Variants in TMEM182 observed in about 807,000 individuals in gnomAD.
TMEM182 encodes transmembrane protein 182.
TMEM182 carries 20 observed loss-of-function variants against 26.8 expected under a neutral mutation model. The observed-to-expected ratio is 0.75, with a 90% confidence interval of 0.53 to 1.09. The LOEUF (loss-of-function observed/expected upper bound fraction) is 1.09, where lower values mean the gene tolerates loss of function less well. Ranked by LOEUF, TMEM182 falls within the 50% of genes least tolerant of loss-of-function variation. TMEM182 has a pLI of 0.00. For missense variants in TMEM182, 277 were observed against 275.5 expected (o/e 1.01, Z -0.04); for synonymous variants, 109 against 102.2 (o/e 1.07, Z -0.40).
At chr2:102,798,577 A>G (rs1420456132) in intron 4 of TMEM182, among the ~76,000 whole-genome samples, 4 of 152,050 alleles carry the variant, frequency 2.6e-5, no homozygotes, top group Admixed American at 2.6e-4. Flanking sequence ...GGTGGCTCAC[A>G]CCTGTAGTCC....
chr2:102,741,272 G>A (rs1449216677), intron 1 of TMEM182, among the ~76,000 whole-genome samples: 2 of 152,130 alleles, frequency 1.3e-5, no homozygotes, highest in African/African-American at 2.4e-5. Flanking sequence ...TGACCTAAAT[G>A]TGGCAGGCAT....
intron 4 of TMEM182, among the ~76,000 whole-genome samples, chr2:102,807,824 C>T (rs1318572047): frequency 2.0e-5 from 3 of 152,070 alleles, no homozygotes; most frequent in Non-Finnish European, 2.9e-5. Flanking sequence ...TAAGGTTCCT[C>T]GTTGTTAAAA....
At chr2:102,819,380 C>T (rs931660259), downstream of TMEM182, among the ~76,000 whole-genome samples, 3 of 152,080 alleles carry the variant, frequency 2.0e-5, no homozygotes, top group Non-Finnish European at 4.4e-5. Flanking sequence ...TTTTCATCCC[C>T]CGAAAATTCA....
chr2:102,766,143 T>A (rs1356712995), intron 3 of TMEM182, among the ~76,000 whole-genome samples: 1 of 152,210 alleles, frequency 6.6e-6, no homozygotes, highest in Non-Finnish European at 1.5e-5. Context: ...ATAAGATAGG[T>A]ATTGTAGGCA....
At chr2:102,812,870 A>G (rs1457669525) in intron 4 of TMEM182, among the ~76,000 whole-genome samples, 1 of 152,264 alleles carries the variant, frequency 6.6e-6, no homozygotes, top group African/African-American at 2.4e-5. Flanking sequence ...AAACCTTTAC[A>G]TCAACAGGCA....
chr2:102,830,465 A>G (rs927475855), intron 3 of TMEM182, among the ~76,000 whole-genome samples: 3 of 152,318 alleles, frequency 2.0e-5, no homozygotes, highest in East Asian at 3.9e-4. Context: ...AGCTTTATTT[A>G]CAACACTGGG....
intron 3 of TMEM182, among the ~76,000 whole-genome samples, chr2:102,764,939 A>C (rs1680367360): frequency 6.6e-6 from 1 of 151,986 alleles, no homozygotes; most frequent in African/African-American, 2.4e-5. Context: ...AGACAGACAG[A>C]CAGATATCAT....
chr2:102,744,702 T>A (rs1449818304), intron 1 of TMEM182, among the ~76,000 whole-genome samples: 1 of 152,190 alleles, frequency 6.6e-6, no homozygotes, highest in Non-Finnish European at 1.5e-5. Flanking sequence ...ATTTTTTCCT[T>A]TAGCCCTTAA....
chr2:102,782,206 TGAGGCAGGAGAATCACTTGA>T (rs1196940361), intron 3 of TMEM182, among the ~76,000 whole-genome samples: 5 of 152,030 alleles, frequency 3.3e-5, no homozygotes, highest in South Asian at 4.2e-4. Context: ...TATGGTAGGC[TGAGGCAGGAGAATCACTTGA>T]GAGGCAGGAG....
At chr2:102,771,523 T>C (rs1039418186) in intron 3 of TMEM182, among the ~76,000 whole-genome samples, 2 of 152,240 alleles carry the variant, frequency 1.3e-5, no homozygotes, top group African/African-American at 4.8e-5. Context: ...TTTTGTGTTC[T>C]GTACAATTTA....
intron 3 of TMEM182, among the ~76,000 whole-genome samples, chr2:102,781,092 T>C (rs963792744): frequency 1.3e-5 from 2 of 152,184 alleles, no homozygotes; most frequent in Non-Finnish European, 1.5e-5. Flanking sequence ...GCTTGTTTTA[T>C]AGGAAATGTC....
intron 3 of TMEM182, among the ~76,000 whole-genome samples, chr2:102,779,455 C>A (rs1397037909): frequency 6.6e-6 from 1 of 152,068 alleles, no homozygotes; most frequent in African/African-American, 2.4e-5. Context: ...ATTTAGGAGA[C>A]GTGAATGTTA....
chr2:102,768,006 C>T (rs61273299), intron 3 of TMEM182, among the ~76,000 whole-genome samples: 5,957 of 152,136 alleles, frequency 0.039, 377 homozygotes, highest in African/African-American at 0.13. Context: ...TCTAACAGAG[C>T]GGGTTTATCT....
At chr2:102,768,788 C>G (rs1306237780) in intron 3 of TMEM182, among the ~76,000 whole-genome samples, 1 of 151,830 alleles carries the variant, frequency 6.6e-6, no homozygotes, top group Non-Finnish European at 1.5e-5. Flanking sequence ...CTTTTATTGT[C>G]AATGTTTATT....
At chr2:102,808,724 C>T (rs1258873500) in intron 4 of TMEM182, among the ~76,000 whole-genome samples, 1 of 152,132 alleles carries the variant, frequency 6.6e-6, no homozygotes, top group Non-Finnish European at 1.5e-5. Flanking sequence ...TTGATATACT[C>T]ATACGATGGA....
chr2:102,759,374 A>G (rs1680141799), upstream of TMEM182, among the ~76,000 whole-genome samples: 1 of 152,182 alleles, frequency 6.6e-6, no homozygotes, highest in African/African-American at 2.4e-5. Context: ...TAAAATGTGT[A>G]CAGGATGACC....
At chr2:102,749,686 G>A (rs755715757) in intron 1 of TMEM182, among the ~76,000 whole-genome samples, 6 of 151,944 alleles carry the variant, frequency 3.9e-5, no homozygotes, top group Non-Finnish European at 8.8e-5. Flanking sequence ...GTACAAAAGA[G>A]CATTTATAAT....
At chr2:102,747,088 C>T (rs892001569) in intron 1 of TMEM182, among the ~76,000 whole-genome samples, 2 of 152,194 alleles carry the variant, frequency 1.3e-5, no homozygotes, top group African/African-American at 4.8e-5. Context: ...CATGGAGTTC[C>T]TCACACGGTC....
Position 102,764,367 on chromosome 2 carries a change from C to G in TMEM182, c.271C>G (p.Leu91Val). ...PPSKNCTHAYLSPYPFMRGEH... is the reference protein window; with the variant it reads ...PPSKNCTHAYVSPYPFMRGEH... The stretch of plus-strand genomic sequence containing the variant: ...GTCCAAGAACTGCACACATGCTTAC[C>G]TGTCTCCGTACCCCTTCATGAGAGG... Residue 91 changes from leucine to valine, a missense_variant, in exon 3 of 5, where the codon CTG becomes GTG. Physicochemically the swap from Leu to Val is conservative, Grantham distance 32 (BLOSUM62 1). Transcript: ENST00000412401. 6.2e-7 allele frequency: 1 copy of G among 1,613,994 alleles called. No individual in the cohort carries two copies. The highest frequency in any genetic ancestry group is 1.1e-5 in the South Asian group (1 of 91,082).
Sources: allele counts gnomAD v4.1 joint callset (sites outside exome capture counted in the v4.1 genomes callset), GRCh38; gene constraint gnomAD v4.1.1; transcripts MANE v1.5; gene names NCBI Gene and HGNC (gene_info 2026-07-23, HGNC 2026-07-21).